The following PTPRN2 variants were observed in gnomAD, a reference collection of about 807,000 sequenced individuals.
The protein encoded by PTPRN2 is receptor-type tyrosine-protein phosphatase N2.
Under a neutral mutation model 118.8 loss-of-function variants are expected in PTPRN2, and 74 were observed. That is an observed-to-expected ratio of 0.62 (90% confidence interval 0.52 to 0.76). The LOEUF (loss-of-function observed/expected upper bound fraction) is 0.76. Ranked by LOEUF, PTPRN2 falls within the 30% of genes least tolerant of loss-of-function variation. PTPRN2 has a pLI of 0.00. For missense variants in PTPRN2, 1,481 were observed against 1,394.4 expected (o/e 1.06, Z -0.99); for synonymous variants, 641 against 608.0 (o/e 1.05, Z -0.80).
chr7:157,756,891 G>A (rs1255242341), intron 12 of PTPRN2, among the ~76,000 whole-genome samples: 2 of 152,148 alleles, frequency 1.3e-5, no homozygotes, highest in African/African-American at 4.8e-5. Flanking sequence ...GGGTTGTGCG[G>A]ATGGGAGCGC....
In PTPRN2 at chr7:158,326,663, C is replaced by A. The variant is rs1157050239; in HGVS notation, c.164-9731G>T. Among the ~76,000 whole-genome samples, 68 of 150,918 alleles carry A rather than the reference C, an allele frequency of 4.5e-4. 1 individual carries two copies. The highest frequency in any genetic ancestry group is 8.9e-5 in the Non-Finnish European group (6 of 67,558). On this transcript the variant is annotated intron_variant, in intron 2 of 22. Transcript: ENST00000389418. ...ACGTTTTCACACATGCTCACACTCT[C>A]ACATGCACACACATGCACAGTCTCA...
chr7:158,109,679 A>T (rs1816044334), intron 10 of PTPRN2, among the ~76,000 whole-genome samples: 2 of 151,068 alleles, frequency 1.3e-5, no homozygotes, highest in South Asian at 4.2e-4. Flanking sequence ...TCAGTGAGTG[A>T]TGTCACCCCT....
Position 158,081,307 on chromosome 7 carries a change from TCTC to T in PTPRN2, c.1711_1713del (p.Glu571del). The stretch of plus-strand genomic sequence containing the variant: ...GTGGAAACAGCCTCACCTGTGGCCT[TCTC>T]CACATCCTCAGTGGTCACGTTTTGG... On this transcript the variant is annotated inframe_deletion, in exon 11 of 23. Transcript: ENST00000389418. 1 of 1,614,038 alleles carries T rather than the reference TCTC, an allele frequency of 6.2e-7. No individual in the cohort carries two copies.
At chr7:158,270,763 CCACCCCGTCCACCT>C (rs1304609091) in intron 3 of PTPRN2, among the ~76,000 whole-genome samples, 2 of 147,066 alleles carry the variant, frequency 1.4e-5, no homozygotes, top group African/African-American at 5.2e-5. Context: ...TCCACCTGGA[CCACCCCGTCCACCT>C]GGACCACCCC....
chr7:157,715,446 G>A (rs142880084), intron 12 of PTPRN2, among the ~76,000 whole-genome samples: 62 of 152,346 alleles, frequency 4.1e-4, no homozygotes, highest in Non-Finnish European at 6.8e-4. Context: ...CTGTGTGCTC[G>A]CAGAGGAGGG....
chr7:157,569,897 C>T (rs1238243710), intron 20 of PTPRN2, among the ~76,000 whole-genome samples: 1 of 152,198 alleles, frequency 6.6e-6, no homozygotes, highest in African/African-American at 2.4e-5. Flanking sequence ...GTTTCCATTT[C>T]AAGACTTCAA....
At chr7:158,214,289 G>A (rs1347539648) in intron 3 of PTPRN2, among the ~76,000 whole-genome samples, 2 of 151,818 alleles carry the variant, frequency 1.3e-5, no homozygotes, top group African/African-American at 2.4e-5. Context: ...ATGGCAATAC[G>A]AAGGCAGAGC....
chr7:157,800,003 C>T (rs926663825), intron 12 of PTPRN2, among the ~76,000 whole-genome samples: 4 of 149,970 alleles, frequency 2.7e-5, no homozygotes, highest in Non-Finnish European at 5.9e-5. Flanking sequence ...CCCCATACCT[C>T]AGAGGCACCA....
chr7:157,699,638 G>T (rs1281830559), intron 12 of PTPRN2, among the ~76,000 whole-genome samples: 1 of 152,186 alleles, frequency 6.6e-6, no homozygotes, highest in African/African-American at 2.4e-5. Flanking sequence ...ATCTTGGCCA[G>T]GCTGTTCTTG....
chr7:158,475,801 C>T (rs1229012168), intron 2 of PTPRN2, among the ~76,000 whole-genome samples: 4 of 152,176 alleles, frequency 2.6e-5, no homozygotes, highest in African/African-American at 9.7e-5. Flanking sequence ...GTGGGGATTC[C>T]AGTCCAGTCT....
intron 9 of PTPRN2, among the ~76,000 whole-genome samples, chr7:158,130,975 CACAA>C (rs772879336): frequency 2.4e-4 from 37 of 151,414 alleles, no homozygotes; most frequent in East Asian, 1.4e-3. Context: ...CACACATATA[CACAA>C]ACACACATAT....
chr7:158,165,636 CAG>C (rs1488204489), intron 6 of PTPRN2, among the ~76,000 whole-genome samples: 3 of 152,248 alleles, frequency 2.0e-5, no homozygotes, highest in Non-Finnish European at 2.9e-5. Context: ...ACTTAAGGAG[CAG>C]AGAGTGCTCA....
chr7:157,947,837 C>T (rs956831571), intron 11 of PTPRN2, among the ~76,000 whole-genome samples: 3 of 152,172 alleles, frequency 2.0e-5, no homozygotes, highest in Non-Finnish European at 2.9e-5. Context: ...TACTTGAGAT[C>T]GTCAATAAGA....
chr7:158,556,311 T>C (rs1169381803), intron 1 of PTPRN2, among the ~76,000 whole-genome samples: 1 of 152,120 alleles, frequency 6.6e-6, no homozygotes. Context: ...CCCAGCATTT[T>C]GGGAGGCCGA....
At chr7:158,447,163 C>T (rs551233843) in intron 2 of PTPRN2, among the ~76,000 whole-genome samples, 3 of 152,264 alleles carry the variant, frequency 2.0e-5, no homozygotes, top group South Asian at 4.1e-4. Context: ...GCCATGAATC[C>T]ACAGCCAATC....
At chr7:157,920,825 G>T (rs1030877464) in intron 11 of PTPRN2, among the ~76,000 whole-genome samples, 1 of 152,056 alleles carries the variant, frequency 6.6e-6, no homozygotes, top group African/African-American at 2.4e-5. Context: ...AAGATACAAA[G>T]AAAATCTAGG....
At chr7:157,694,649 G>A (rs1797680954) in intron 12 of PTPRN2, among the ~76,000 whole-genome samples, 1 of 152,030 alleles carries the variant, frequency 6.6e-6, no homozygotes, top group Non-Finnish European at 1.5e-5. Context: ...TTATTTCCAG[G>A]GCAGGAAAAT....
At chr7:158,560,521 C>T (rs1827308007) in intron 1 of PTPRN2, among the ~76,000 whole-genome samples, 1 of 152,268 alleles carries the variant, frequency 6.6e-6, no homozygotes, top group Non-Finnish European at 1.5e-5. Context: ...TACTAAGTGT[C>T]AACATGCAGA....
intron 1 of PTPRN2, among the ~76,000 whole-genome samples, chr7:158,519,865 G>T (rs865786207): frequency 6.6e-6 from 1 of 152,130 alleles, no homozygotes; most frequent in Non-Finnish European, 1.5e-5. Context: ...CGCCAGCACG[G>T]TCACACTCTG....
Sources: allele counts gnomAD v4.1 joint callset (sites outside exome capture counted in the v4.1 genomes callset), GRCh38; gene constraint gnomAD v4.1.1; transcripts MANE v1.5; gene names NCBI Gene and HGNC (gene_info 2026-07-23, HGNC 2026-07-21).